LSM6: variants seen among roughly 807,000 people sequenced by gnomAD.
LSM6 encodes U6 snRNA-associated Sm-like protein LSm6.
LSM6 carries 2 observed loss-of-function variants against 13.5 expected under a neutral mutation model. That is an observed-to-expected ratio of 0.15 (90% CI 0.06 to 0.47). The LOEUF (loss-of-function observed/expected upper bound fraction) is 0.47, where lower values mean the gene tolerates loss of function less well. LSM6 is among the 20% of genes least tolerant of loss of function. The pLI, the probability that LSM6 is intolerant of heterozygous loss-of-function variation, is 0.97. For missense variants in LSM6, 58 were observed against 96.4 expected, an observed-to-expected ratio of 0.60 and a Z score of 1.67; for synonymous variants, 43 against 34.9, an observed-to-expected ratio of 1.23 and a Z score of -0.82.
chr4:146,181,327 G>A (rs1349563402), intron 1 of LSM6: 6 of 152,106 alleles, frequency 3.9e-5, no homozygotes, highest in South Asian at 4.2e-4. Flanking sequence ...TTATGATTGC[G>A]TTTGTTTACT....
intron 1 of LSM6, among the ~76,000 whole-genome samples, chr4:146,181,756 A>G (rs1683276494): frequency 6.6e-6 from 1 of 152,218 alleles, no homozygotes. Context: ...AGTGATGCTG[A>G]ATTTGACTGA....
At chr4:146,184,852 A>G (rs750681370) in intron 2 of LSM6, among the ~76,000 whole-genome samples, 8 of 152,238 alleles carry the variant, frequency 5.3e-5, no homozygotes, top group South Asian at 2.1e-4. Flanking sequence ...AGGATCCCCA[A>G]TGCTACTATC....
rs770141097 is a variant in LSM6, at chr4:146,187,357, T to G, written c.178T>G (p.Tyr60Asp). 6.2e-7 allele frequency: 1 copy of G among 1,611,896 alleles called. No homozygotes were observed. Among genetic ancestry groups the G allele is most frequent in the Non-Finnish European group, 8.5e-7 (1 of 1,178,022 alleles). ...TGTAAATGGACAACTGAAGAATAAGTATGGGGATGCATTTATCCGAGGAAA... is the reference window on the plus strand; with the variant it reads ...TGTAAATGGACAACTGAAGAATAAGGATGGGGATGCATTTATCCGAGGAAA... ...EYVNGQLKNK[Y>D]GDAFIRGNNV... The change falls in exon 3 of 4, where the codon TAT becomes GAT. Residue 60 changes from tyrosine to aspartate, a missense_variant. By Grantham distance (160) the Tyr-to-Asp change is radical. Around this residue, in one of 3 missense-constraint regions of LSM6, gnomAD observed 23 missense variants for 27.5 expected, o/e 0.84. Coordinates refer to ENST00000296581, the MANE Select transcript of LSM6 (RefSeq NM_007080.3).
chr4:146,178,278 A>C (rs1730153701), intron 1 of LSM6, among the ~76,000 whole-genome samples: 1 of 152,150 alleles, frequency 6.6e-6, no homozygotes, highest in Non-Finnish European at 1.5e-5. Context: ...CGCACGGGAG[A>C]CCAGTCAGCA....
intron 1 of LSM6, 39 bp from the exon 2 acceptor site, chr4:146,182,873 T>C: frequency 8.3e-7 from 1 of 1,211,194 alleles, no homozygotes; most frequent in Non-Finnish European, 1.2e-6. Flanking sequence ...TCAACTTTGG[T>C]CTTTACCTTT....
In LSM6 at chr4:146,187,278, C is replaced by T. The variant is rs778947835; in HGVS notation, c.99C>T (p.Val33=). The change falls in exon 3 of 4, where the codon GTC becomes GTT. Residue 33 remains valine, a synonymous_variant. Coordinates refer to ENST00000296581, the MANE Select transcript of LSM6 (RefSeq NM_007080.3). The stretch of plus-strand genomic sequence containing the variant: ...TTTGACTAAATATGTCTGCAGGGGT[C>T]CTGGCTTGCCTGGATGGCTACATGA... ...KLNSGVDYRG[V]LACLDGYMNI... 2.9e-5 allele frequency: 47 copies of T among 1,600,702 alleles called. No homozygotes were observed. Among genetic ancestry groups the T allele is most frequent in the Middle Eastern group, 3.3e-4 (2 of 6,028 alleles).
chr4:146,178,247 G>T (rs1381836653), intron 1 of LSM6, among the ~76,000 whole-genome samples: 1 of 152,124 alleles, frequency 6.6e-6, no homozygotes, highest in Non-Finnish European at 1.5e-5. Flanking sequence ...TATTTTCCCT[G>T]TCCCCAAGAA....
intron 2 of LSM6, 48 bp from the exon 3 acceptor site, chr4:146,187,226 A>C (rs1246464876): frequency 2.0e-6 from 2 of 1,023,790 alleles, no homozygotes; most frequent in South Asian, 1.3e-5. Context: ...GTAATTTTCA[A>C]CTCTTATTTG....
chr4:146,189,221 G>A (rs1252707423), intron 3 of LSM6, among the ~76,000 whole-genome samples: 1 of 152,126 alleles, frequency 6.6e-6, no homozygotes, highest in Non-Finnish European at 1.5e-5. Context: ...TCAAACTTCT[G>A]AGCTCAAGTG....
At chr4:146,189,088 C>T (rs1324959104) in intron 3 of LSM6, among the ~76,000 whole-genome samples, 1 of 151,112 alleles carries the variant, frequency 6.6e-6, no homozygotes, top group South Asian at 2.1e-4. Flanking sequence ...CTCCCAAGCT[C>T]AAGCAGTCCT....
At position 146,175,718 on chromosome 4, in the gene LSM6, C is replaced by T. The variant is rs1429974150; in HGVS notation, c.-104C>T. The T allele has an allele frequency of 6.6e-6, 1 of 152,280 alleles. No homozygotes were observed. Among genetic ancestry groups the T allele is most frequent in the Non-Finnish European group, 1.5e-5 (1 of 68,084 alleles). 9.4% of individuals were successfully genotyped at this position (152,280 alleles called of 1,614,324 possible). On this transcript the variant is annotated 5_prime_UTR_variant, in exon 1 of 4. Transcript: ENST00000296581. ...CTGATTGGCTGAGGCAGAAAAGTGCCCCTGCCTCGGCGCTTTCGGTTTTGG... is the reference window on the plus strand; with the variant it reads ...CTGATTGGCTGAGGCAGAAAAGTGCTCCTGCCTCGGCGCTTTCGGTTTTGG...
intron 1 of LSM6, among the ~76,000 whole-genome samples, chr4:146,179,963 G>A (rs1255851261): frequency 1.3e-5 from 2 of 152,224 alleles, no homozygotes; most frequent in Admixed American, 6.5e-5. Context: ...CTGACCCAGA[G>A]CCTCAACTCT....
chr4:146,185,897 T>C (rs62326802), intron 2 of LSM6, among the ~76,000 whole-genome samples: 35,437 of 151,742 alleles, frequency 0.23, 4,724 homozygotes, highest in Non-Finnish European at 0.3. Flanking sequence ...CCACCATGCC[T>C]GGCTAATTTT....
At chr4:146,182,568 T>G (rs1730253841) in intron 1 of LSM6, among the ~76,000 whole-genome samples, 1 of 152,162 alleles carries the variant, frequency 6.6e-6, no homozygotes, top group African/African-American at 2.4e-5. Flanking sequence ...TGAATGGAAG[T>G]GGTAATGGTT....
chr4:146,183,175 T>G, intron 2 of LSM6, 160 bp downstream of exon 2: 1 of 528,964 alleles, frequency 1.9e-6, no homozygotes, highest in Non-Finnish European at 3.5e-6. Context: ...ATCATTCCTT[T>G]TAGAAGGACA....
chr4:146,183,875 T>A (rs533983280), intron 2 of LSM6, among the ~76,000 whole-genome samples: 11 of 148,238 alleles, frequency 7.4e-5, no homozygotes, highest in African/African-American at 2.5e-4. Context: ...ATTTTCTTTT[T>A]TTTTTTTTTT....
rs751728369 is a variant in LSM6 at position 146,182,931 on chromosome 4, C to T, written c.10C>T (p.Arg4Trp). The change falls in exon 2 of 4, where the codon CGG (arginine) becomes TGG (tryptophan). Residue 4 changes from arginine to tryptophan, a missense_variant. This residue lies in a region of LSM6 where 28 missense variants were observed against 32.6 expected (regional missense o/e 0.86). Transcript: ENST00000296581. MSL[R>W]KQTPSDFLKQ... ...ATTTAGGATTGTTAAAATGAGTCTTCGGAAGCAAACCCCTAGTGACTTCTT... is the reference window on the plus strand; with the variant it reads ...ATTTAGGATTGTTAAAATGAGTCTTTGGAAGCAAACCCCTAGTGACTTCTT... The T allele has an allele frequency of 1.5e-5, 24 of 1,609,572 alleles. No individual in the cohort carries two copies. The highest frequency in any genetic ancestry group is 3.3e-5 in the South Asian group (3 of 90,982).
At chr4:146,178,965 T>A (rs3775498) in intron 1 of LSM6, among the ~76,000 whole-genome samples, 2 of 152,016 alleles carry the variant, frequency 1.3e-5, no homozygotes, top group Non-Finnish European at 2.9e-5. Flanking sequence ...TGAATCTAAC[T>A]CTGGTAGCAC....
intron 3 of LSM6, among the ~76,000 whole-genome samples, chr4:146,188,084 A>G (rs1375440084): frequency 2.6e-5 from 4 of 152,014 alleles, no homozygotes; most frequent in African/African-American, 4.8e-5. Flanking sequence ...GATGTCTTCA[A>G]CCCCCTAAAT....
Sources: allele counts gnomAD v4.1 joint callset (sites outside exome capture counted in the v4.1 genomes callset), GRCh38; gene constraint gnomAD v4.1.1; regional missense constraint gnomAD v4.1.1; transcripts MANE v1.5; gene names NCBI Gene and HGNC (gene_info 2026-07-23, HGNC 2026-07-21).